EVC2: variants seen among roughly 807,000 people sequenced by gnomAD.
EVC2 encodes limbin.
EVC2 carries 148 observed loss-of-function variants against 149.3 expected under a neutral mutation model. That is an observed-to-expected ratio of 0.99 (90% CI 0.87 to 1.14). EVC2 has a LOEUF of 1.14. Ranked by LOEUF, EVC2 falls within the 50% of genes most tolerant of loss-of-function variation. The probability of loss-of-function intolerance (pLI) is 0.00; values close to 1 mark genes in which losing one functional copy is unlikely to be tolerated. For synonymous variants in EVC2, 776 were observed against 649.9 expected, an observed-to-expected ratio of 1.19 and a Z score of -2.95; for missense variants, 1,854 against 1,627.3, an observed-to-expected ratio of 1.14 and a Z score of -2.40.
At chr4:5,688,162 G>A (rs1021086386) in intron 5 of EVC2, among the ~76,000 whole-genome samples, 1 of 152,146 alleles carries the variant, frequency 6.6e-6, no homozygotes, top group Non-Finnish European at 1.5e-5. Flanking sequence ...CCAGCAAAAA[G>A]GTCACTACTT....
At chr4:5,554,276 C>G (rs745463312) in intron 21 of EVC2, among the ~76,000 whole-genome samples, 1 of 152,150 alleles carries the variant, frequency 6.6e-6, no homozygotes, top group Admixed American at 6.5e-5. Context: ...CAGCTGTGAC[C>G]TGCTTATCTG....
chr4:5,632,011 G>C lies in EVC2; in HGVS notation c.1492C>G (p.Leu498Val). 9.9e-6 allele frequency: 16 copies of C among 1,614,178 alleles called. No individual in the cohort carries two copies. The highest frequency in any genetic ancestry group is 1.4e-5 in the Non-Finnish European group (16 of 1,180,022). Residue 498 changes from leucine to valine, a missense_variant, in exon 11 of 22, where the codon CTT becomes GTT. Physicochemically the swap from Leu to Val is conservative, Grantham distance 32. Coordinates refer to ENST00000344408, the MANE Select transcript of EVC2 (RefSeq NM_147127.5). The part of the protein sequence containing the change: ...GERSAVECSN[L>V]LRTLHGLEQE... ...TCCAGGCCATGGAGGGTCCGCAGAA[G>C]GTTGCTGCACTCTACAGCAGACTGG...
At chr4:5,634,461 T>A (rs1237879645) in intron 10 of EVC2, among the ~76,000 whole-genome samples, 1 of 152,170 alleles carries the variant, frequency 6.6e-6, no homozygotes. Flanking sequence ...TTTATTTTAA[T>A]TAATAGAAAT....
chr4:5,571,872 C>T (rs1722663832), intron 19 of EVC2, among the ~76,000 whole-genome samples: 1 of 152,158 alleles, frequency 6.6e-6, no homozygotes, highest in African/African-American at 2.4e-5. Flanking sequence ...TGGCTGGCCT[C>T]AGCCATCAGC....
At position 5,595,745 on chromosome 4, in the gene EVC2, A is replaced by T. The variant is rs1713340792; in HGVS notation, c.2830-10895T>A. On this transcript the variant is annotated intron_variant, in intron 16 of 21. Coordinates refer to ENST00000344408, the MANE Select transcript of EVC2 (RefSeq NM_147127.5). ...ATTAACTTTAAATGTAAATGGACTA[A>T]ATACTCCAATTAAAAGACACAGACT... Among the ~76,000 whole-genome samples the T allele has an allele frequency of 2.0e-5, 3 of 152,322 alleles. No individual in the cohort carries two copies. In the South Asian group the frequency reaches 6.2e-4, roughly 32 times the overall value.
At chr4:5,697,083 T>C (rs867604423) in intron 2 of EVC2, among the ~76,000 whole-genome samples, 6 of 152,234 alleles carry the variant, frequency 3.9e-5, no homozygotes, top group African/African-American at 1.4e-4. Context: ...GAGGGCAGTA[T>C]CCCCAATCCA....
rs113806963 is a variant in EVC2, at chr4:5,685,483, C to A, written c.707-4G>T. ...CTGACAGCAAAGGCATCTCCCACTG[C>A]GCAGAGAAAAGCACATGTGACTCAG... On this transcript the variant is annotated splice_region_variant and splice_polypyrimidine_tract_variant and intron_variant, in intron 5 of 21. Transcript: ENST00000344408. The A allele has an allele frequency of 1.9e-6, 3 of 1,613,704 alleles. No individual in the cohort carries two copies. The highest frequency in any genetic ancestry group is 2.5e-6 in the Non-Finnish European group (3 of 1,179,828).
chr4:5,561,156 T>C (rs1292463856), downstream of EVC2, among the ~76,000 whole-genome samples: 1 of 152,200 alleles, frequency 6.6e-6, no homozygotes, highest in Non-Finnish European at 1.5e-5. Flanking sequence ...AGAGCCCCTG[T>C]AGAAGCAGGA....
At position 5,708,466 on chromosome 4, in the gene EVC2, C is replaced by A. The variant is rs537265864; in HGVS notation, c.48G>T (p.Gly16=). Reference sequence around the variant, plus strand: ...GCGCCAGGGCCACTGCCAGGAGACCCCCGGCCAGCACCCACGTGGGGCGCC... The same window carrying A: ...GCGCCAGGGCCACTGCCAGGAGACCACCGGCCAGCACCCACGTGGGGCGCC... ...SRGRPTWVLA[G]GLLAVALALG... Residue 16 remains glycine, a synonymous_variant, in exon 1 of 22, where the codon GGG becomes GGT. Coordinates refer to ENST00000344408, the MANE Select transcript of EVC2 (RefSeq NM_147127.5). The A allele has an allele frequency of 6.0e-5, 90 of 1,505,094 alleles. No individual in the cohort carries two copies. In the African/African-American group the frequency reaches 1.2e-3, roughly 21 times the overall value. 93.2% of individuals were successfully genotyped at this position (1,505,094 alleles called of 1,614,324 possible). A position where few individuals can be genotyped will look rare whatever the true frequency, so the allele number is the denominator to read the frequency against.
At chr4:5,697,700 G>C in intron 1 of EVC2, 53 bp from the exon 2 acceptor site, 1 of 1,478,582 alleles carries the variant, frequency 6.8e-7, no homozygotes, top group Non-Finnish European at 9.4e-7. Flanking sequence ...TCTGAGAAGT[G>C]ATAATAAATA....
intron 17 of EVC2, among the ~76,000 whole-genome samples, chr4:5,584,110 T>C (rs910626016): frequency 2.0e-5 from 3 of 152,154 alleles, no homozygotes; most frequent in African/African-American, 7.2e-5. Context: ...GTAATTATGA[T>C]AATAATAGAT....
chr4:5,700,815 G>A (rs561356192), intron 1 of EVC2, among the ~76,000 whole-genome samples: 2 of 152,282 alleles, frequency 1.3e-5, no homozygotes, highest in East Asian at 3.9e-4. Context: ...CACAGCTCCT[G>A]TCGAGGTCAC....
chr4:5,632,004 C>T lies in EVC2; in HGVS notation c.1499G>A (p.Arg500Gln), dbSNP rs770644264. ...RSAVECSNLL[R>Q]TLHGLEQEHL... ...CTCCTGTTCCAGGCCATGGAGGGTCCGCAGAAGGTTGCTGCACTCTACAGC... is the reference window on the plus strand; with the variant it reads ...CTCCTGTTCCAGGCCATGGAGGGTCTGCAGAAGGTTGCTGCACTCTACAGC... The change falls in exon 11 of 22, where the codon CGG becomes CAG. Residue 500 changes from arginine to glutamine, a missense_variant. Physicochemically the swap from Arg to Gln is conservative, Grantham distance 43 (BLOSUM62 1). Transcript: ENST00000344408. The T allele has an allele frequency of 2.4e-5, 39 of 1,614,012 alleles. No homozygotes were observed. In the Admixed American group the frequency reaches 5.2e-4, roughly 21 times the overall value.
At chr4:5,700,043 A>C (rs968336441) in intron 1 of EVC2, among the ~76,000 whole-genome samples, 4 of 152,002 alleles carry the variant, frequency 2.6e-5, no homozygotes, top group African/African-American at 9.7e-5. Context: ...GGGAGGCTGA[A>C]GCAGGAGAAT....
chr4:5,690,972 G>T lies in EVC2; in HGVS notation c.519+293C>A, dbSNP rs371297624. Among the ~76,000 whole-genome samples the T allele has an allele frequency of 3.3e-5, 5 of 152,174 alleles. No individual in the cohort carries two copies. The South Asian group carries it at 1.0e-3, about 32-fold the overall frequency. ...CATTAAACAACTTTGAAAACTGTCA[G>T]GTACCCTATTAATGATTATAATCTG... is the stretch of plus-strand genomic sequence containing the variant. On this transcript the variant is annotated intron_variant, in intron 4 of 21. Transcript: ENST00000344408.
At chr4:5,673,227 G>A (rs1377104795) in intron 7 of EVC2, among the ~76,000 whole-genome samples, 5 of 152,192 alleles carry the variant, frequency 3.3e-5, no homozygotes, top group Admixed American at 3.3e-4. Flanking sequence ...TACTGTTGTT[G>A]GCTGGTGGGA....
chr4:5,640,396 G>GGATGGATGAT lies in EVC2; in HGVS notation c.1470+108_1470+117dup. 1 of 1,170,568 alleles carries GGATGGATGAT rather than the reference G, an allele frequency of 8.5e-7. No homozygotes were observed. The highest frequency in any genetic ancestry group is 1.3e-6 in the Non-Finnish European group (1 of 779,670). 72.5% of individuals were successfully genotyped at this position (1,170,568 alleles called of 1,614,324 possible). A position where few individuals can be genotyped will look rare whatever the true frequency, so the allele number is the denominator to read the frequency against. ...TGAATAGATGAATGAGTGGGTGGTT[G>GGATGGATGAT]GATGGATGATGGGTAGACGGATGGA... On this transcript the variant is annotated intron_variant, in intron 10 of 21. Coordinates refer to ENST00000344408, the MANE Select transcript of EVC2 (RefSeq NM_147127.5). The surrounding 1 kb of genome is among the most constrained non-coding windows in gnomAD (Gnocchi z 4.6).
chr4:5,699,275 G>A (rs758019759), intron 1 of EVC2, among the ~76,000 whole-genome samples: 4 of 152,336 alleles, frequency 2.6e-5, no homozygotes, highest in Non-Finnish European at 5.9e-5. Flanking sequence ...CCCATTGATG[G>A]AGCCAAACAT....
chr4:5,620,127 C>T (rs1333077750), intron 14 of EVC2, among the ~76,000 whole-genome samples: 16 of 152,210 alleles, frequency 1.1e-4, no homozygotes, highest in Non-Finnish European at 1.5e-4. Flanking sequence ...ATGTGACACC[C>T]GTCTTGGGTT....
Sources: gnomAD v4.1 joint callset for allele counts (sites outside exome capture counted in the v4.1 genomes callset) on GRCh38, gnomAD v4.1.1 for gene constraint, Gnocchi (gnomAD v3.1) non-coding constraint, MANE v1.5 for transcripts, NCBI Gene and HGNC (gene_info 2026-07-23, HGNC 2026-07-21) for gene names.